The following CPSF6 variants were observed in gnomAD, a reference collection of about 807,000 sequenced individuals.
The protein encoded by CPSF6 is cleavage and polyadenylation specificity factor subunit 6.
In CPSF6, 10 loss-of-function variants were observed where a neutral mutation model predicts 56.7. That is an observed-to-expected ratio of 0.18 (90% confidence interval 0.11 to 0.30). CPSF6 has a LOEUF of 0.30. CPSF6 is among the 10% of genes least tolerant of loss of function. The pLI is 1.00. For synonymous variants in CPSF6, 248 were observed against 244.8 expected, an observed-to-expected ratio of 1.01 and a Z score of -0.12; for missense variants, 419 against 722.9, an observed-to-expected ratio of 0.58 and a Z score of 4.82.
At chr12:69,246,026 G>T (rs1287571539) in intron 1 of CPSF6, among the ~76,000 whole-genome samples, 2 of 152,206 alleles carry the variant, frequency 1.3e-5, no homozygotes, top group Non-Finnish European at 2.9e-5. Flanking sequence ...GGCAGAGGCT[G>T]CAGTGAGCTG....
rs1407068437 is a variant in CPSF6, at chr12:69,260,174, C to T, written c.1446C>T (p.Ser482=). The change falls in exon 8 of 10, where the codon TCC becomes TCT. Residue 482 remains serine (S), a synonymous_variant. Transcript: ENST00000435070. ...SLQDCLHGIE[S]KSYGSGSRRE... is the part of the protein sequence containing the mutation. Reference sequence around the variant, plus strand: ...AAGATTGCCTTCATGGAATTGAGTCCAAGTCTTATGGTTCTGGATCAAGGT... The same window carrying T: ...AAGATTGCCTTCATGGAATTGAGTCTAAGTCTTATGGTTCTGGATCAAGGT... 1.1e-5 allele frequency: 17 copies of T among 1,611,048 alleles called. No individual in the cohort carries two copies. Among genetic ancestry groups the T allele is most frequent in the Non-Finnish European group, 1.4e-5 (17 of 1,178,728 alleles).
chr12:69,257,929 T>C, intron 5 of CPSF6, 24 bp downstream of exon 5: 1 of 1,590,262 alleles, frequency 6.3e-7, no homozygotes, highest in Non-Finnish European at 8.5e-7. Context: ...TAAATTACCA[T>C]GGATAAAACA....
chr12:69,249,871 G>A (rs186772032), intron 1 of CPSF6, among the ~76,000 whole-genome samples: 4 of 151,956 alleles, frequency 2.6e-5, no homozygotes, highest in Admixed American at 2.6e-4. Flanking sequence ...TATCATTTAG[G>A]CATGTAAGTG....
At chr12:69,256,650 A>G (rs1296402957) in intron 3 of CPSF6, 47 bp from the exon 4 acceptor site, 2 of 1,547,460 alleles carry the variant, frequency 1.3e-6, no homozygotes, top group Admixed American at 4.0e-5. Context: ...CAGTAATAAT[A>G]TTGATCTCTT....
rs767570237 is a variant in CPSF6, at chr12:69,256,681, C to T, written c.375-16C>T. On this transcript the variant is annotated splice_polypyrimidine_tract_variant and intron_variant, in intron 3 of 9. Transcript: ENST00000435070. The stretch of plus-strand genomic sequence containing the variant: ...CTCTTTTTACTTTGTATCCTCACCC[C>T]TTAAACACTTTTTAGGTTTGCCCTT... 1.2e-6 allele frequency: 2 copies of T among 1,603,298 alleles called. No individual in the cohort carries two copies. Among genetic ancestry groups the T allele is most frequent in the South Asian group, 1.1e-5 (1 of 88,906 alleles).
Position 69,273,058 on chromosome 12 carries a change from G to A in CPSF6, c.*3550G>A, listed in dbSNP as rs975380330. ...CTTACATATGGCATTCCTTGTGTTC[G>A]TAATGTGAGATTTTTGATTTAGATA... On this transcript the variant is annotated 3_prime_UTR_variant, in exon 10 of 10. Transcript: ENST00000435070. 3 of 299,012 alleles carry A rather than the reference G, an allele frequency of 1.0e-5. No homozygotes were observed. The highest frequency in any genetic ancestry group is 4.4e-5 in the African/African-American group (2 of 45,018). The allele number at this position is 299,012 out of a possible 1,614,324, so 18.5% of individuals were successfully genotyped here.
At chr12:69,245,753 C>T (rs1027788118) in intron 1 of CPSF6, among the ~76,000 whole-genome samples, 2 of 152,092 alleles carry the variant, frequency 1.3e-5, no homozygotes, top group East Asian at 1.9e-4. Flanking sequence ...AGGCCATCAC[C>T]GATAGCACAA....
intron 9 of CPSF6, among the ~76,000 whole-genome samples, chr12:69,268,311 CTATA>C (rs951839065): frequency 6.6e-6 from 1 of 151,450 alleles, no homozygotes; most frequent in East Asian, 1.9e-4. Context: ...CATATAGAAA[CTATA>C]TATATAAAAG....
chr12:69,261,899 A>AT (rs1386907230), intron 8 of CPSF6, among the ~76,000 whole-genome samples: 4 of 152,110 alleles, frequency 2.6e-5, no homozygotes, highest in African/African-American at 9.7e-5. Flanking sequence ...TGCGTATTAG[A>AT]AGGTTTCTTT....
At chr12:69,241,189 G>A (rs933218227) in intron 1 of CPSF6, among the ~76,000 whole-genome samples, 1 of 152,156 alleles carries the variant, frequency 6.6e-6, no homozygotes, top group Admixed American at 6.5e-5. Flanking sequence ...GACTGGATTT[G>A]TTTAAATGTA....
At chr12:69,252,235 G>A in intron 2 of CPSF6, 1 of 291,588 alleles carries the variant, frequency 3.4e-6, no homozygotes, top group African/African-American at 4.3e-5. Context: ...CACTCTGCCT[G>A]GCTAATTAAA....
At chr12:69,241,025 A>G (rs1391121195) in intron 1 of CPSF6, among the ~76,000 whole-genome samples, 2 of 152,214 alleles carry the variant, frequency 1.3e-5, no homozygotes, top group Non-Finnish European at 2.9e-5. Flanking sequence ...ATTAACCATC[A>G]TATTCGTGAC....
intron 4 of CPSF6, among the ~76,000 whole-genome samples, chr12:69,257,305 ATTATCT>A (rs1872552719): frequency 6.6e-6 from 1 of 152,226 alleles, no homozygotes; most frequent in African/African-American, 2.4e-5. Context: ...ATTTAAGTAC[ATTATCT>A]TTAAAGAGAT....
chr12:69,251,524 T>C (rs1276789929), intron 2 of CPSF6, among the ~76,000 whole-genome samples, 186 bp downstream of exon 2: 1 of 152,204 alleles, frequency 6.6e-6, no homozygotes, highest in African/African-American at 2.4e-5. Flanking sequence ...TCTTCTAGTT[T>C]TGAGTTTTGT....
chr12:69,261,052 T>C (rs1872722180), intron 8 of CPSF6, among the ~76,000 whole-genome samples: 1 of 152,220 alleles, frequency 6.6e-6, no homozygotes, highest in Admixed American at 6.5e-5. Context: ...CTTTTTAGCA[T>C]TGCTGCTAAC....
In CPSF6 at chr12:69,273,986, T is replaced by G. The variant is rs554632745; in HGVS notation, c.*4478T>G. 1 of 152,078 alleles carries G rather than the reference T, an allele frequency of 6.6e-6. No homozygotes were observed. The highest frequency in any genetic ancestry group is 2.1e-4 in the South Asian group (1 of 4,824). 9.4% of individuals were successfully genotyped at this position (152,078 alleles called of 1,614,324 possible). On this transcript the variant is annotated 3_prime_UTR_variant, in exon 10 of 10. Transcript: ENST00000435070. ...TATCCACGAATTACTGATCACAGTT[T>G]GTAAATAATTTGTTTAATATCAGAA...
At chr12:69,251,937 T>G in intron 2 of CPSF6, 1 of 428,406 alleles carries the variant, frequency 2.3e-6, no homozygotes, top group Non-Finnish European at 4.6e-6. Flanking sequence ...ATTAAAATAG[T>G]CCTATAGAAT....
At position 69,258,419 on chromosome 12, in the gene CPSF6, A is replaced by T. The variant is rs946899033; in HGVS notation, c.695-171A>T. Among the ~76,000 whole-genome samples, 1 of 152,212 alleles carries T rather than the reference A, an allele frequency of 6.6e-6. No homozygotes were observed. The highest frequency in any genetic ancestry group is 1.5e-5 in the Non-Finnish European group (1 of 68,026). On this transcript the variant is annotated intron_variant, in intron 5 of 9. Transcript: ENST00000435070. This position sits in a 1 kb window ranked among gnomAD's most constrained non-coding sequence, Gnocchi z 4.2. ...CATAAATTGAGCTAGTTAAATTTGT[A>T]AGGATATACTTCATTGTAGTTGGTA...
chr12:69,269,464 A>AT (rs1404845085), intron 9 of CPSF6, 48 bp from the exon 10 acceptor site: 1 of 451,492 alleles, frequency 2.2e-6, no homozygotes, highest in Non-Finnish European at 4.5e-6. Context: ...TTTTCTGTGT[A>AT]TTTTGGGGAA....
Sources: gnomAD v4.1 joint callset for allele counts (sites outside exome capture counted in the v4.1 genomes callset) on GRCh38, gnomAD v4.1.1 for gene constraint, Gnocchi (gnomAD v3.1) non-coding constraint, MANE v1.5 for transcripts, NCBI Gene and HGNC (gene_info 2026-07-23, HGNC 2026-07-21) for gene names.